Variants in SLC14A2 observed in about 807,000 individuals in gnomAD.
SLC14A2 encodes the protein urea transporter 2.
A neutral mutation model predicts 104.6 loss-of-function variants in SLC14A2; 91 were observed. The observed-to-expected ratio is 0.87, with a 90% confidence interval of 0.73 to 1.04. The LOEUF (loss-of-function observed/expected upper bound fraction) is 1.04, where lower values mean the gene tolerates loss of function less well. Among genes scored for constraint, SLC14A2 ranks in the 50% least tolerant of loss-of-function variants. SLC14A2 has a pLI of 0.00. For missense variants in SLC14A2, 1,189 were observed against 1,156.0 expected, an observed-to-expected ratio of 1.03 and a Z score of -0.41; for synonymous variants, 476 against 466.4, an observed-to-expected ratio of 1.02 and a Z score of -0.27.
chr18:45,486,974 A>AT (rs540151132), intron 2 of SLC14A2, among the ~76,000 whole-genome samples: 427 of 152,354 alleles, frequency 2.8e-3, no homozygotes, highest in Non-Finnish European at 5.0e-3. Context: ...AGCAAGTATT[A>AT]AGATGACTCC....
intron 2 of SLC14A2, among the ~76,000 whole-genome samples, chr18:45,595,829 C>T (rs769540467): frequency 3.3e-5 from 5 of 152,180 alleles, no homozygotes; most frequent in African/African-American, 7.2e-5. Context: ...AAGCCTTGAA[C>T]GTCCTTGTTC....
At chr18:45,377,248 G>GTT (rs2085785100) in intron 1 of SLC14A2, among the ~76,000 whole-genome samples, 1 of 149,464 alleles carries the variant, frequency 6.7e-6, no homozygotes, top group African/African-American at 2.5e-5. Flanking sequence ...GCTCAGGGGT[G>GTT]ATTTTTTTTT....
At chr18:45,318,120 G>A (rs72906658) in intron 1 of SLC14A2, among the ~76,000 whole-genome samples, 3,085 of 152,280 alleles carry the variant, frequency 0.02, 55 homozygotes, top group East Asian at 0.089. Context: ...ATTGAGACGC[G>A]CCTCTTTGGA....
intron 1 of SLC14A2, chr18:45,447,244 T>A (rs776772857): frequency 6.6e-6 from 1 of 152,182 alleles, no homozygotes; most frequent in African/African-American, 2.4e-5. Context: ...TCTCTTTTGA[T>A]GACAACCTTA....
intron 2 of SLC14A2, among the ~76,000 whole-genome samples, chr18:45,513,212 C>T (rs1376511596): frequency 6.6e-6 from 1 of 152,174 alleles, no homozygotes; most frequent in Non-Finnish European, 1.5e-5. Context: ...ATACCACCCT[C>T]TCCCCAGATT....
At chr18:45,632,137 GTGTGTGTT>G (rs869047745) in intron 4 of SLC14A2, among the ~76,000 whole-genome samples, 1 of 17,942 alleles carries the variant, frequency 5.6e-5, no homozygotes, top group Non-Finnish European at 1.7e-4. Context: ...GGGTGTGTGT[GTGTGTGTT>G]TGTGTGTGTG....
chr18:45,231,102 A>G (rs2084169928), intron 1 of SLC14A2, among the ~76,000 whole-genome samples: 1 of 152,234 alleles, frequency 6.6e-6, no homozygotes, highest in Admixed American at 6.5e-5. Flanking sequence ...CAGGGTAAGA[A>G]ATTGACGCAC....
chr18:45,197,392 G>A, the SLC14A2 span, among the ~76,000 whole-genome samples: 2 of 152,038 alleles, frequency 1.3e-5, no homozygotes, highest in South Asian at 4.1e-4. Context: ...GACCCAGTAA[G>A]AGAAGTGAGA....
chr18:45,391,446 T>C (rs1477253269), intron 1 of SLC14A2, among the ~76,000 whole-genome samples: 2 of 152,220 alleles, frequency 1.3e-5, no homozygotes, highest in Admixed American at 6.5e-5. Flanking sequence ...TACCCAGTAA[T>C]GGGATGGCTG....
intron 1 of SLC14A2, among the ~76,000 whole-genome samples, chr18:45,252,779 A>G (rs954092262): frequency 1.3e-5 from 2 of 149,324 alleles, no homozygotes; most frequent in Non-Finnish European, 3.0e-5. Context: ...CAACATACTC[A>G]TAGCAATATT....
intron 2 of SLC14A2, among the ~76,000 whole-genome samples, chr18:45,607,883 C>T (rs550211356): frequency 1.6e-4 from 24 of 152,306 alleles, no homozygotes; most frequent in South Asian, 6.2e-4. Flanking sequence ...CTGTAAGGAA[C>T]TCCATAAGGT....
chr18:45,239,768 C>A (rs975474794), intron 1 of SLC14A2, among the ~76,000 whole-genome samples: 1 of 152,124 alleles, frequency 6.6e-6, no homozygotes, highest in Non-Finnish European at 1.5e-5. Context: ...TCTAGAAAAA[C>A]AAAATGCAAA....
chr18:45,194,362 G>C, the SLC14A2 span, among the ~76,000 whole-genome samples: 1 of 152,112 alleles, frequency 6.6e-6, no homozygotes, highest in Non-Finnish European at 1.5e-5. Flanking sequence ...GGTTCAGAAA[G>C]TCCTCTTCTA....
At chr18:45,558,822 C>T (rs759451261) in intron 2 of SLC14A2, among the ~76,000 whole-genome samples, 6 of 151,998 alleles carry the variant, frequency 3.9e-5, no homozygotes, top group East Asian at 1.9e-4. Context: ...GACGGAGTCT[C>T]ACTCTGTCGC....
At chr18:45,388,545 G>A (rs75272136) in intron 1 of SLC14A2, among the ~76,000 whole-genome samples, 2,336 of 152,138 alleles carry the variant, frequency 0.015, 53 homozygotes, top group African/African-American at 0.053. Flanking sequence ...TTTTTCGTCT[G>A]TTCTCTTCAG....
intron 2 of SLC14A2, among the ~76,000 whole-genome samples, chr18:45,592,125 T>C (rs573647436): frequency 2.0e-5 from 3 of 152,306 alleles, no homozygotes; most frequent in African/African-American, 7.2e-5. Flanking sequence ...GGGGAAAGGT[T>C]GCTTACCAAG....
intron 2 of SLC14A2, among the ~76,000 whole-genome samples, chr18:45,485,851 A>C (rs2087593932): frequency 6.6e-6 from 1 of 152,146 alleles, no homozygotes; most frequent in African/African-American, 2.4e-5. Flanking sequence ...AACTGCCAGG[A>C]GCAATGAGCT....
intron 1 of SLC14A2, among the ~76,000 whole-genome samples, chr18:45,475,654 T>TATATATATATATATTTAGG (rs1555693779): frequency 1.9e-5 from 1 of 53,586 alleles, no homozygotes; most frequent in African/African-American, 1.1e-4. Flanking sequence ...TATATATATA[T>TATATATATATATATTTAGG]ATATATATAT....
chr18:45,262,819 C>T (rs1436171123), intron 1 of SLC14A2, among the ~76,000 whole-genome samples: 1 of 152,144 alleles, frequency 6.6e-6, no homozygotes, highest in Non-Finnish European at 1.5e-5. Flanking sequence ...GCAACTCCAG[C>T]ATGAGCCAGA....
Sources: allele counts gnomAD v4.1 joint callset (sites outside exome capture counted in the v4.1 genomes callset), GRCh38; gene constraint gnomAD v4.1.1; transcripts MANE v1.5; gene names NCBI Gene and HGNC (gene_info 2026-07-23, HGNC 2026-07-21).